The following SMIM17 variants were observed in gnomAD, a reference collection of about 807,000 sequenced individuals.
The protein encoded by SMIM17 is small integral membrane protein 17.
Under a neutral mutation model 12.2 loss-of-function variants are expected in SMIM17, and 10 were observed. That is an observed-to-expected ratio of 0.82 (90% CI 0.50 to 1.39). The LOEUF is 1.39. Ranked by LOEUF, SMIM17 falls within the 40% of genes most tolerant of loss-of-function variation. The probability of loss-of-function intolerance (pLI) is 0.00; values close to 1 mark genes in which losing one functional copy is unlikely to be tolerated. For synonymous variants in SMIM17, 50 were observed against 44.1 expected (o/e 1.13, Z -0.53); for missense variants, 136 against 118.2 (o/e 1.15, Z -0.70).
At position 56,655,102 on chromosome 19, in the gene SMIM17, G is replaced by T; in HGVS notation, c.247-1G>T. On this transcript the variant is annotated splice_acceptor_variant, in intron 3 of 3. Transcript: ENST00000598409. LOFTEE classifies it high-confidence loss of function. Reference sequence around the variant, plus strand: ...TATCCTTTTCCTTTTTTCTGTTTCAGGGCTTTGTGGAGTGGTCAAAAGCTC... The same window carrying T: ...TATCCTTTTCCTTTTTTCTGTTTCATGGCTTTGTGGAGTGGTCAAAAGCTC... 1.5e-6 allele frequency: 1 copy of T among 684,022 alleles called. No individual in the cohort carries two copies. 42.4% of individuals were successfully genotyped at this position (684,022 alleles called of 1,614,324 possible).
At position 56,645,780 on chromosome 19, in the gene SMIM17, C is replaced by T. The variant is rs918469630; in HGVS notation, c.113C>T (p.Thr38Ile). ...AWEKPPHPAC[T>I]KDWEAVEVGA... ...GAGAAGCCTCCTCATCCCGCCTGCA[C>T]CAAAGACTGGGAGGCTGTGGAGGTT... The change falls in exon 2 of 4, where the codon ACC becomes ATC. Residue 38 changes from threonine (T) to isoleucine (I), a missense_variant. Coordinates refer to ENST00000598409, the MANE Select transcript of SMIM17 (RefSeq NM_001193628.2). The T allele has an allele frequency of 3.3e-6, 5 of 1,535,798 alleles. No homozygotes were observed. In the African/African-American group the frequency reaches 4.1e-5, roughly 13 times the overall value.
chr19:56,647,439 GAGAGAGAGAGA>G, intron 2 of SMIM17, 108 bp from the exon 3 acceptor site: 3 of 658,666 alleles, frequency 4.6e-6, no homozygotes, highest in Non-Finnish European at 7.7e-6. Flanking sequence ...GAGAGAGAGA[GAGAGAGAGAGA>G]GGAGGCTATT....
In SMIM17 at chr19:56,645,765, C is replaced by T. The variant is rs1413308228; in HGVS notation, c.98C>T (p.Pro33Leu). The change falls in exon 2 of 4, where the codon CCT (proline) becomes CTT (leucine). Residue 33 changes from proline to leucine, a missense_variant. Pro to Leu is a moderately conservative substitution (Grantham distance 98). Transcript: ENST00000598409. Reference sequence around the variant, plus strand: ...GAGAGCCGGGCCTGGGAGAAGCCTCCTCATCCCGCCTGCACCAAAGACTGG... The same window carrying T: ...GAGAGCCGGGCCTGGGAGAAGCCTCTTCATCCCGCCTGCACCAAAGACTGG... The part of the protein sequence containing the change: ...PRESRAWEKP[P>L]HPACTKDWEA... 2.0e-6 allele frequency: 3 copies of T among 1,535,978 alleles called. No individual in the cohort carries two copies. The highest frequency in any genetic ancestry group is 2.6e-6 in the Non-Finnish European group (3 of 1,146,854).
intron 3 of SMIM17, among the ~76,000 whole-genome samples, chr19:56,652,302 A>G (rs149382628): frequency 1.8e-4 from 28 of 152,084 alleles, no homozygotes; most frequent in Non-Finnish European, 3.8e-4. Flanking sequence ...ATATACTGGT[A>G]GAACTGAAAT....
intron 2 of SMIM17, 113 bp from the exon 3 acceptor site, chr19:56,647,445 G>A (rs1336164788): frequency 1.6e-6 from 1 of 634,408 alleles, no homozygotes; most frequent in Non-Finnish European, 2.6e-6. Flanking sequence ...GAGAGAGAGA[G>A]AGAGAGGAGG....
chr19:56,648,090 C>T (rs879261809), intron 3 of SMIM17, among the ~76,000 whole-genome samples: 1 of 150,332 alleles, frequency 6.7e-6, no homozygotes, highest in African/African-American at 2.5e-5. Flanking sequence ...TCCATCCATC[C>T]ATCCATCCAT....
chr19:56,648,521 T>C (rs568164306), intron 3 of SMIM17, among the ~76,000 whole-genome samples: 1 of 152,186 alleles, frequency 6.6e-6, no homozygotes, highest in East Asian at 1.9e-4. Context: ...ATCCATCCCC[T>C]ATCCACTCAA....
At chr19:56,649,951 GT>G (rs2045096613) in intron 3 of SMIM17, among the ~76,000 whole-genome samples, 1 of 152,072 alleles carries the variant, frequency 6.6e-6, no homozygotes, top group Non-Finnish European at 1.5e-5. Flanking sequence ...GGTTGGATGT[GT>G]TTTGCAGGCA....
intron 3 of SMIM17, among the ~76,000 whole-genome samples, chr19:56,651,289 G>A (rs1470811139): frequency 1.3e-5 from 2 of 152,152 alleles, no homozygotes; most frequent in Non-Finnish European, 2.9e-5. Flanking sequence ...GGCAGAGCTA[G>A]GATTTGTACC....
At chr19:56,647,076 C>T (rs2045069018) in intron 2 of SMIM17, among the ~76,000 whole-genome samples, 1 of 152,140 alleles carries the variant, frequency 6.6e-6, no homozygotes, top group Non-Finnish European at 1.5e-5. Context: ...AAGGTTCTGA[C>T]TATGGGGACA....
At chr19:56,653,170 C>T (rs1233012117) in intron 3 of SMIM17, among the ~76,000 whole-genome samples, 2 of 152,172 alleles carry the variant, frequency 1.3e-5, no homozygotes, top group African/African-American at 2.4e-5. Context: ...CTTATTTTCC[C>T]TTCTGGTCCA....
rs545089548 is a variant in SMIM17, at chr19:56,657,067, G to A, written c.*1854G>A. Among the ~76,000 whole-genome samples the A allele has an allele frequency of 2.5e-3, 388 of 152,282 alleles. 1 individual carries two copies. Among genetic ancestry groups the A allele is most frequent in the African/African-American group, 9.0e-3 (374 of 41,556 alleles). On this transcript the variant is annotated 3_prime_UTR_variant, in exon 4 of 4. Coordinates refer to ENST00000598409, the MANE Select transcript of SMIM17 (RefSeq NM_001193628.2). ...AATAAGGTTATGTGAAACTTTGTTA[G>A]TACAATTGTTTTTGCTAATAAATTT...
intron 1 of SMIM17, among the ~76,000 whole-genome samples, chr19:56,643,960 A>T (rs1472598954): frequency 6.6e-6 from 1 of 151,766 alleles, no homozygotes; most frequent in African/African-American, 2.4e-5. Flanking sequence ...CTCTCAGGGG[A>T]TGACTTGTTT....
At chr19:56,649,207 G>T (rs1331724706) in intron 3 of SMIM17, among the ~76,000 whole-genome samples, 2 of 152,206 alleles carry the variant, frequency 1.3e-5, no homozygotes, top group Non-Finnish European at 2.9e-5. Context: ...ATGTGCACAG[G>T]CAAGTTGGTA....
chr19:56,656,988 A>G lies in SMIM17; in HGVS notation c.*1775A>G, dbSNP rs2045156471. Among the ~76,000 whole-genome samples, 1 of 152,206 alleles carries G rather than the reference A, an allele frequency of 6.6e-6. No homozygotes were observed. The highest frequency in any genetic ancestry group is 2.1e-4 in the South Asian group (1 of 4,836). On this transcript the variant is annotated 3_prime_UTR_variant, in exon 4 of 4. Transcript: ENST00000598409. Reference sequence around the variant, plus strand: ...TAGTTAACTCAGTATCGTCAATTATATTGTTCAGATTCATGTGTTATCTAA... The same window carrying G: ...TAGTTAACTCAGTATCGTCAATTATGTTGTTCAGATTCATGTGTTATCTAA...
intron 3 of SMIM17, among the ~76,000 whole-genome samples, chr19:56,654,385 C>A (rs1052825203): frequency 6.6e-6 from 1 of 152,194 alleles, no homozygotes; most frequent in African/African-American, 2.4e-5. Flanking sequence ...TTAGAAGGAG[C>A]ACTCTGACTG....
Position 56,645,591 on chromosome 19 carries a change from C to T in SMIM17, c.-77C>T. On this transcript the variant is annotated 5_prime_UTR_variant, in exon 2 of 4. Transcript: ENST00000598409. ...AGTCCTCAGGTTCTGAATCTTGTGC[C>T]TGGAGAACCAGAGAGGACCCTGGAG... is the stretch of plus-strand genomic sequence containing the variant. 2.2e-6 allele frequency: 3 copies of T among 1,350,888 alleles called. No individual in the cohort carries two copies. Among genetic ancestry groups the T allele is most frequent in the Non-Finnish European group, 2.9e-6 (3 of 1,031,840 alleles). 83.7% of individuals were successfully genotyped at this position (1,350,888 alleles called of 1,614,324 possible). A position where few individuals can be genotyped will look rare whatever the true frequency, so the allele number is the denominator to read the frequency against.
At chr19:56,645,899 G>A in intron 2 of SMIM17, 63 bp downstream of exon 2, 1 of 1,446,250 alleles carries the variant, frequency 6.9e-7, no homozygotes, top group East Asian at 2.5e-5. Flanking sequence ...CAGAGCCTAG[G>A]GAAAGACTAA....
intron 3 of SMIM17, among the ~76,000 whole-genome samples, chr19:56,651,285 G>C (rs1178966763): frequency 6.6e-6 from 1 of 152,152 alleles, no homozygotes; most frequent in Non-Finnish European, 1.5e-5. Flanking sequence ...AAATGGCAGA[G>C]CTAGGATTTG....
Sources: gnomAD v4.1 joint callset for allele counts (sites outside exome capture counted in the v4.1 genomes callset) on GRCh38, gnomAD v4.1.1 for gene constraint, MANE v1.5 for transcripts, NCBI Gene and HGNC (gene_info 2026-07-23, HGNC 2026-07-21) for gene names.